The following PDE1A variants were observed in gnomAD, a reference collection of about 807,000 sequenced individuals.
PDE1A encodes phosphodiesterase 1A, also known as dual specificity calcium/calmodulin-dependent 3',5'-cyclic nucleotide phosphodiesterase 1A.
In PDE1A, 35 loss-of-function variants were observed where a neutral mutation model predicts 61.7. That is an observed-to-expected ratio of 0.57 (90% CI 0.43 to 0.75). The LOEUF is 0.75. PDE1A is among the 30% of genes least tolerant of loss of function. The pLI is 0.00. For missense variants in PDE1A, 597 were observed against 630.6 expected, an observed-to-expected ratio of 0.95 and a Z score of 0.57; for synonymous variants, 232 against 213.2, an observed-to-expected ratio of 1.09 and a Z score of -0.77.
intron 2 of PDE1A, among the ~76,000 whole-genome samples, chr2:182,439,909 G>A (rs1450029374): frequency 1.3e-5 from 2 of 152,190 alleles, no homozygotes; most frequent in East Asian, 1.9e-4. Context: ...TTAATGCCTT[G>A]ATTTAAAGTT....
intron 2 of PDE1A, among the ~76,000 whole-genome samples, chr2:182,446,605 T>G (rs1243480089): frequency 1.3e-5 from 2 of 152,110 alleles, no homozygotes; most frequent in African/African-American, 4.8e-5. Context: ...AAAATTTGCT[T>G]TGTAAATGGA....
intron 13 of PDE1A, among the ~76,000 whole-genome samples, chr2:182,154,873 A>G (rs1447511926): frequency 6.6e-6 from 1 of 152,146 alleles, no homozygotes; most frequent in Non-Finnish European, 1.5e-5. Context: ...TGAAGGATCT[A>G]CTTTCAATGT....
the PDE1A span, among the ~76,000 whole-genome samples, chr2:182,692,837 T>C: frequency 6.6e-6 from 1 of 151,902 alleles, no homozygotes; most frequent in Non-Finnish European, 1.5e-5. Flanking sequence ...TCCTCTTGGG[T>C]CATTTCAGAT....
intron 2 of PDE1A, among the ~76,000 whole-genome samples, chr2:182,437,628 A>G (rs918659257): frequency 6.6e-6 from 1 of 151,912 alleles, no homozygotes; most frequent in African/African-American, 2.4e-5. Context: ...AATTTTAGAG[A>G]TAGCTAATAT....
intron 13 of PDE1A, among the ~76,000 whole-genome samples, chr2:182,182,818 C>T (rs573777210): frequency 6.6e-6 from 1 of 151,854 alleles, no homozygotes; most frequent in Non-Finnish European, 1.5e-5. Flanking sequence ...CAGACCTCTC[C>T]ATCATTCTCT....
Position 182,426,750 on chromosome 2 carries a change from C to A in PDE1A, c.-120G>T. ...GCCCAGAAAGAAAAAGTAGTTTCCT[C>A]TTTCTCTTTTTGGGTGCTGGGAGAA... On this transcript the variant is annotated 5_prime_UTR_variant, in exon 1 of 14. An upstream open reading frame in the 5' UTR gains an earlier in-frame stop. Transcript: ENST00000351439. 1 of 1,536,360 alleles carries A rather than the reference C, an allele frequency of 6.5e-7. No homozygotes were observed. Among genetic ancestry groups the A allele is most frequent in the Non-Finnish European group, 8.7e-7 (1 of 1,146,242 alleles).
chr2:182,439,521 G>A (rs1355355172), intron 2 of PDE1A, among the ~76,000 whole-genome samples: 5 of 151,928 alleles, frequency 3.3e-5, no homozygotes, highest in South Asian at 2.1e-4. Flanking sequence ...TGGAGAGGGC[G>A]TCAAGTGGAA....
chr2:182,495,757 C>T (rs892337386), intron 2 of PDE1A, among the ~76,000 whole-genome samples: 2 of 152,116 alleles, frequency 1.3e-5, no homozygotes, highest in Non-Finnish European at 2.9e-5. Context: ...CTGTCCTATC[C>T]CTCTCTCCAT....
At chr2:182,240,336 A>C in intron 2 of PDE1A, 44 bp from the exon 3 acceptor site, 2 of 1,235,262 alleles carry the variant, frequency 1.6e-6, no homozygotes, top group Non-Finnish European at 2.2e-6. Context: ...AAAAAAGTGA[A>C]GAAAAACATA....
At chr2:182,286,466 C>T (rs1694171483) in intron 1 of PDE1A, among the ~76,000 whole-genome samples, 1 of 152,128 alleles carries the variant, frequency 6.6e-6, no homozygotes, top group Admixed American at 6.6e-5. Flanking sequence ...AGGCTAAACA[C>T]TGTAAGAGGT....
In PDE1A at chr2:182,201,661, A is replaced by AAAC. The variant is rs759014792; in HGVS notation, c.1004+24_1004+26dup. 122 of 1,555,402 alleles carry AAAC rather than the reference A, an allele frequency of 7.8e-5. 1 individual carries two copies. The highest frequency in any genetic ancestry group is 3.4e-4 in the East Asian group (15 of 44,398). ...GAACTTTAACATGACAAAAAAAAAA[A>AAAC]AACAACAAAAAAAACACAAAACCTA... On this transcript the variant is annotated intron_variant, in intron 9 of 13. Coordinates refer to ENST00000351439, the Ensembl canonical transcript of PDE1A.
chr2:182,264,531 C>A, intron 1 of PDE1A, 117 bp from the exon 2 acceptor site: 3 of 625,316 alleles, frequency 4.8e-6, no homozygotes, highest in South Asian at 2.6e-5. Context: ...ATTTCTAGGT[C>A]AACAAATAGC....
intron 1 of PDE1A, among the ~76,000 whole-genome samples, chr2:182,389,704 G>C (rs1028086490): frequency 2.6e-5 from 4 of 152,306 alleles, no homozygotes; most frequent in Non-Finnish European, 5.9e-5. Flanking sequence ...GGGTGTGTCT[G>C]TGAGGGTGTT....
At chr2:182,324,335 T>C (rs892473036) in intron 1 of PDE1A, among the ~76,000 whole-genome samples, 1 of 151,840 alleles carries the variant, frequency 6.6e-6, no homozygotes, top group Non-Finnish European at 1.5e-5. Flanking sequence ...TTTGGGAACT[T>C]GCATACAAGA....
At chr2:182,710,371 A>T in the PDE1A span, among the ~76,000 whole-genome samples, 5 of 152,226 alleles carry the variant, frequency 3.3e-5, no homozygotes, top group African/African-American at 1.2e-4. Flanking sequence ...CATGGTGAGG[A>T]CACTTAAAAT....
the PDE1A span, among the ~76,000 whole-genome samples, chr2:182,618,575 AAC>A: frequency 0.39 from 59,492 of 150,944 alleles, 12,986 homozygotes; most frequent in East Asian, 0.57. Flanking sequence ...CTTGCAAAAA[AAC>A]AAAAGAATAG....
chr2:182,653,735 T>C, the PDE1A span, among the ~76,000 whole-genome samples: 4 of 152,350 alleles, frequency 2.6e-5, no homozygotes, highest in African/African-American at 9.6e-5. Context: ...CTGCTTCTGA[T>C]AGGCCCAGCA....
intron 2 of PDE1A, among the ~76,000 whole-genome samples, chr2:182,475,356 A>T (rs2125823106): frequency 6.6e-6 from 1 of 152,044 alleles, no homozygotes; most frequent in African/African-American, 2.4e-5. Context: ...GGTTAAGAAA[A>T]GTGAAGAAAT....
At chr2:182,178,074 G>A (rs751439339) in intron 13 of PDE1A, among the ~76,000 whole-genome samples, 26 of 152,096 alleles carry the variant, frequency 1.7e-4, no homozygotes, top group Non-Finnish European at 2.8e-4. Flanking sequence ...TGAATCATTA[G>A]CTGATCTGGT....
Sources: gnomAD v4.1 joint callset for allele counts (sites outside exome capture counted in the v4.1 genomes callset) on GRCh38, gnomAD v4.1.1 for gene constraint, MANE v1.5 for transcripts, NCBI Gene and HGNC (gene_info 2026-07-23, HGNC 2026-07-21) for gene names.